Variants in ETV1 observed in about 807,000 individuals in gnomAD.
The protein encoded by ETV1 is ETS variant transcription factor 1.
In ETV1, 27 loss-of-function variants were observed where a neutral mutation model predicts 62.3. The ratio of observed to expected loss-of-function variants is 0.43; its 90% confidence interval spans 0.32 to 0.60. ETV1 has a LOEUF of 0.60. ETV1 is among the 20% of genes least tolerant of loss of function. The pLI is 0.06. For missense variants in ETV1, 605 were observed against 605.8 expected (o/e 1.00, Z 0.01); for synonymous variants, 222 against 199.6 (o/e 1.11, Z -0.94).
chr7:13,913,388 TG>T (rs1783759388), intron 9 of ETV1, among the ~76,000 whole-genome samples: 1 of 152,226 alleles, frequency 6.6e-6, no homozygotes, highest in Non-Finnish European at 1.5e-5. Context: ...ATCTCAGTTC[TG>T]ACATTGCATG....
At chr7:13,979,106 A>G (rs529672435) in intron 5 of ETV1, among the ~76,000 whole-genome samples, 1 of 152,238 alleles carries the variant, frequency 6.6e-6, no homozygotes, top group Admixed American at 6.5e-5. Context: ...GCAAACTGCA[A>G]ATCTTAATTC....
rs573556177 is a variant in ETV1, at chr7:13,894,557, T to A, written c.*1309A>T. On this transcript the variant is annotated 3_prime_UTR_variant, in exon 14 of 14. Coordinates refer to ENST00000430479, the MANE Select transcript of ETV1 (RefSeq NM_004956.5). Reference sequence around the variant, plus strand: ...TTACAAAAGGTTCCACAGTTTCCTTTAGCAAGCTGAAGCTTACTCTTCATT... The same window carrying A: ...TTACAAAAGGTTCCACAGTTTCCTTAAGCAAGCTGAAGCTTACTCTTCATT... The A allele has an allele frequency of 4.3e-6, 1 of 232,736 alleles. No individual in the cohort carries two copies. Among genetic ancestry groups the A allele is most frequent in the African/African-American group, 2.2e-5 (1 of 45,440 alleles). The allele number at this position is 232,736 out of a possible 1,614,324, so 14.4% of individuals were successfully genotyped here.
rs376190504 is a variant in ETV1 at position 13,980,402 on chromosome 7, G to T, written c.182-2922C>A. ...AACTGCAGCTGCCTGAAAACTTGCAGCAAGCCATACCAACTCCAAAGTTGA... is the reference window on the plus strand; with the variant it reads ...AACTGCAGCTGCCTGAAAACTTGCATCAAGCCATACCAACTCCAAAGTTGA... On this transcript the variant is annotated intron_variant, in intron 5 of 13. Transcript: ENST00000430479. Among the ~76,000 whole-genome samples, 3 of 152,202 alleles carry T rather than the reference G, an allele frequency of 2.0e-5. No homozygotes were observed. The East Asian group carries it at 5.8e-4, about 29-fold the overall frequency.
At chr7:13,913,313 A>G (rs1783746122) in intron 9 of ETV1, among the ~76,000 whole-genome samples, 1 of 152,250 alleles carries the variant, frequency 6.6e-6, no homozygotes, top group Admixed American at 6.5e-5. Context: ...TTTAAGGATC[A>G]TTAGTACAAG....
chr7:13,957,543 T>G (rs190024850), intron 6 of ETV1, among the ~76,000 whole-genome samples: 334 of 152,342 alleles, frequency 2.2e-3, no homozygotes, highest in Middle Eastern at 3.4e-3. Flanking sequence ...ATAGCATTGG[T>G]TGTCTACCAA....
Position 13,931,758 on chromosome 7 carries a change from T to C in ETV1, c.555-9A>G, listed in dbSNP as rs747096926. On this transcript the variant is annotated splice_polypyrimidine_tract_variant and intron_variant, in intron 8 of 13. Coordinates refer to ENST00000430479, the MANE Select transcript of ETV1 (RefSeq NM_004956.5). ...AAAGCTGGCGGCGAAATCTAGGGAA[T>C]AAGAGAGTGTGTTTCAGATGAAACG... 6.8e-6 allele frequency: 11 copies of C among 1,612,662 alleles called. No individual in the cohort carries two copies. The East Asian group carries it at 1.3e-4, about 20-fold the overall frequency.
chr7:13,948,925 A>G (rs1788478310), intron 6 of ETV1, among the ~76,000 whole-genome samples: 1 of 152,148 alleles, frequency 6.6e-6, no homozygotes, highest in African/African-American at 2.4e-5. Flanking sequence ...TGTGTAGCCA[A>G]TTTTACAGCA....
intron 9 of ETV1, among the ~76,000 whole-genome samples, chr7:13,929,522 C>T (rs185220544): frequency 1.1e-3 from 165 of 152,262 alleles, no homozygotes; most frequent in Middle Eastern, 0.01. Context: ...TCCTGACACA[C>T]CCCACTTTTT....
At chr7:13,984,058 A>T (rs1782273168) in intron 5 of ETV1, among the ~76,000 whole-genome samples, 1 of 152,066 alleles carries the variant, frequency 6.6e-6, no homozygotes, top group East Asian at 1.9e-4. Flanking sequence ...TTTCACAAAT[A>T]TTTGAGGACT....
At chr7:13,915,837 A>T (rs1379943586) in intron 9 of ETV1, among the ~76,000 whole-genome samples, 1 of 152,182 alleles carries the variant, frequency 6.6e-6, no homozygotes, top group African/African-American at 2.4e-5. Flanking sequence ...AAATAAGGAC[A>T]TATATATCTG....
chr7:13,961,739 T>C (rs1790192867), intron 6 of ETV1, among the ~76,000 whole-genome samples: 1 of 152,180 alleles, frequency 6.6e-6, no homozygotes, highest in Non-Finnish European at 1.5e-5. Context: ...TGCTAACTGA[T>C]CCTATAGTAG....
chr7:13,897,859 G>A (rs1192410437), intron 13 of ETV1, among the ~76,000 whole-genome samples: 1 of 152,176 alleles, frequency 6.6e-6, no homozygotes, highest in Admixed American at 6.5e-5. Context: ...ATACCTCTGA[G>A]TGTTTTATAA....
chr7:13,946,896 C>G lies in ETV1; in HGVS notation c.236-7650G>C, dbSNP rs1788228881. On this transcript the variant is annotated intron_variant, in intron 6 of 13. Coordinates refer to ENST00000430479, the MANE Select transcript of ETV1 (RefSeq NM_004956.5). ...CCCTGCCTCGCGGGTTCAAGTGATT[C>G]TCCGGCCTCAGCCTCCCAAGTAGCT... 5.9e-5 allele frequency among the ~76,000 whole-genome samples: 9 copies of G among 152,288 alleles called. 1 individual carries two copies. In the South Asian group the frequency reaches 1.9e-3, roughly 32 times the overall value.
At chr7:13,970,123 T>C (rs977809438) in intron 6 of ETV1, among the ~76,000 whole-genome samples, 2 of 149,240 alleles carry the variant, frequency 1.3e-5, no homozygotes, top group Non-Finnish European at 3.0e-5. Context: ...TAGCCTGGCG[T>C]GGTGGCGGGC....
chr7:13,989,230 A>G, intron 2 of ETV1, 38 bp downstream of exon 2: 1 of 559,436 alleles, frequency 1.8e-6, no homozygotes, highest in Non-Finnish European at 3.1e-6. Flanking sequence ...CGACAGTCCC[A>G]TTCACAAAAA....
rs931153242 is a variant in ETV1, at chr7:13,893,794, T to G, written c.*2072A>C. 1.7e-5 allele frequency: 4 copies of G among 232,948 alleles called. No homozygotes were observed. The highest frequency in any genetic ancestry group is 1.1e-4 in the Admixed American group (2 of 17,764). The allele number at this position is 232,948 out of a possible 1,614,324, so 14.4% of individuals were successfully genotyped here. On this transcript the variant is annotated 3_prime_UTR_variant, in exon 14 of 14. Coordinates refer to ENST00000430479, the MANE Select transcript of ETV1 (RefSeq NM_004956.5). ...TGAATATTTTAACATCTGTTTTTATTCTAAGTGCTGTAGATGGCCACATAA... is the reference window on the plus strand; with the variant it reads ...TGAATATTTTAACATCTGTTTTTATGCTAAGTGCTGTAGATGGCCACATAA...
chr7:13,920,669 A>C (rs187140199), intron 9 of ETV1, among the ~76,000 whole-genome samples: 61 of 152,300 alleles, frequency 4.0e-4, no homozygotes, highest in African/African-American at 1.4e-3. Context: ...TTAATGCATA[A>C]AGAGTAAATC....
chr7:13,935,904 G>C lies in ETV1; in HGVS notation c.366-8C>G. On this transcript the variant is annotated splice_polypyrimidine_tract_variant and splice_region_variant and intron_variant, in intron 7 of 13. Transcript: ENST00000430479. ...GGCTTCTGATCATAGGCACTACCCA[G>C]GGGACAAAAGAAGAGAGAACATTTC... 1 of 1,595,108 alleles carries C rather than the reference G, an allele frequency of 6.3e-7. No homozygotes were observed. The highest frequency in any genetic ancestry group is 8.6e-7 in the Non-Finnish European group (1 of 1,168,940).
At chr7:13,949,615 G>C (rs181289667) in intron 6 of ETV1, among the ~76,000 whole-genome samples, 2 of 152,118 alleles carry the variant, frequency 1.3e-5, no homozygotes, top group Admixed American at 1.3e-4. Context: ...TTACTAAAGG[G>C]CCTAATCTCA....
Sources: gnomAD v4.1 joint callset for allele counts (sites outside exome capture counted in the v4.1 genomes callset) on GRCh38, gnomAD v4.1.1 for gene constraint, MANE v1.5 for transcripts, NCBI Gene and HGNC (gene_info 2026-07-23, HGNC 2026-07-21) for gene names.